GNG7: variants seen among roughly 807,000 people sequenced by gnomAD.
GNG7 encodes the protein guanine nucleotide-binding protein G(I)/G(S)/G(O) subunit gamma-7.
Under a neutral mutation model 4.0 loss-of-function variants are expected in GNG7, and 1 was observed. That is an observed-to-expected ratio of 0.25 (90% CI 0.09 to 1.18). The LOEUF is 1.18. GNG7 is among the 50% of genes most tolerant of loss of function. The probability of loss-of-function intolerance (pLI) is 0.50; values close to 1 mark genes in which losing one functional copy is unlikely to be tolerated. For missense variants in GNG7, 86 were observed against 91.9 expected (o/e 0.94, Z 0.26); for synonymous variants, 34 against 36.9 (o/e 0.92, Z 0.29).
At position 2,633,470 on chromosome 19, in the gene GNG7, G is replaced by GGTGC. The variant is rs1555698894; in HGVS notation, c.-78+12753_-78+12754insGCAC. Among the ~76,000 whole-genome samples the GGTGC allele has an allele frequency of 7.6e-5, 10 of 132,366 alleles. No individual in the cohort carries two copies. Among genetic ancestry groups the GGTGC allele is most frequent in the African/African-American group, 3.0e-4 (9 of 30,466 alleles). 86.8% of individuals were successfully genotyped at this position (132,366 alleles called of 152,430 possible). A position where few individuals can be genotyped will look rare whatever the true frequency, so the allele number is the denominator to read the frequency against. On this transcript the variant is annotated intron_variant, in intron 2 of 4. Coordinates refer to ENST00000382159, the MANE Select transcript of GNG7 (RefSeq NM_052847.3). The surrounding 1 kb of genome is among the most constrained non-coding windows in gnomAD (Gnocchi z 5.9). ...CTGTTCAAGCGGTTGCTTAGCAACA[G>GGTGC]GCGCGCGCGCGCGCGCGCACACACA...
In GNG7 at chr19:2,664,900, A is replaced by G. The variant is rs575154214; in HGVS notation, c.-134-18620T>C. Among the ~76,000 whole-genome samples the G allele has an allele frequency of 1.1e-4, 17 of 152,140 alleles. No individual in the cohort carries two copies. In the Middle Eastern group the frequency reaches 0.01, roughly 91 times the overall value. ...CATCCTCAAGTTGTGACAACGACAA[A>G]TGTCCTCAGACAACACCCAGTGTCC... On this transcript the variant is annotated intron_variant, in intron 1 of 4. Coordinates refer to ENST00000382159, the MANE Select transcript of GNG7 (RefSeq NM_052847.3).
At position 2,557,006 on chromosome 19, in the gene GNG7, C is replaced by T. The variant is rs1005391900; in HGVS notation, c.-77-1818G>A. Reference sequence around the variant, plus strand: ...CATCCAGGGGGGCTGCCTCCCCTCCCACCTCTACACACACACACGCACACA... The same window carrying T: ...CATCCAGGGGGGCTGCCTCCCCTCCTACCTCTACACACACACACGCACACA... On this transcript the variant is annotated intron_variant, in intron 2 of 4. Transcript: ENST00000382159. The surrounding 1 kb of genome is among the most constrained non-coding windows in gnomAD (Gnocchi z 5.1). Among the ~76,000 whole-genome samples, 2 of 137,600 alleles carry T rather than the reference C, an allele frequency of 1.5e-5. No individual in the cohort carries two copies. Among genetic ancestry groups the T allele is most frequent in the African/African-American group, 5.4e-5 (2 of 36,818 alleles). The allele number at this position is 137,600 out of a possible 152,430, so 90.3% of individuals were successfully genotyped here.
At chr19:2,603,553 A>C (rs970320943) in intron 2 of GNG7, among the ~76,000 whole-genome samples, 1 of 152,194 alleles carries the variant, frequency 6.6e-6, no homozygotes, top group Admixed American at 6.5e-5. Flanking sequence ...CAGAAATGCA[A>C]ATCAGGGCTG....
At chr19:2,567,469 G>T (rs932216755) in intron 2 of GNG7, among the ~76,000 whole-genome samples, 1 of 151,984 alleles carries the variant, frequency 6.6e-6, no homozygotes, top group Non-Finnish European at 1.5e-5. Context: ...GGGACTACAG[G>T]TGCACACTAC....
At chr19:2,575,511 A>T (rs1049541923) in intron 2 of GNG7, among the ~76,000 whole-genome samples, 37 of 150,628 alleles carry the variant, frequency 2.5e-4, no homozygotes, top group Admixed American at 8.6e-4. Context: ...ACACACAGAC[A>T]TGCAGACACA....
chr19:2,676,319 C>A (rs1037890670), intron 1 of GNG7, among the ~76,000 whole-genome samples: 1 of 152,166 alleles, frequency 6.6e-6, no homozygotes, highest in Admixed American at 6.5e-5. Context: ...CCCACAGAGA[C>A]CCTCCCCTAG....
At chr19:2,631,070 A>T (rs1982146543) in intron 2 of GNG7, among the ~76,000 whole-genome samples, 1 of 152,150 alleles carries the variant, frequency 6.6e-6, no homozygotes, top group African/African-American at 2.4e-5. Flanking sequence ...TCTCAACAGC[A>T]CTGTGTGGGG....
At chr19:2,530,628 A>G (rs1208520877) in intron 3 of GNG7, among the ~76,000 whole-genome samples, 2 of 150,612 alleles carry the variant, frequency 1.3e-5, no homozygotes, top group African/African-American at 2.4e-5. Context: ...GCTGAGGTAC[A>G]ACAATCACTT....
chr19:2,670,885 C>T (rs536161026), intron 1 of GNG7, among the ~76,000 whole-genome samples: 1 of 152,102 alleles, frequency 6.6e-6, no homozygotes, highest in Non-Finnish European at 1.5e-5. Flanking sequence ...AAAGAGACGG[C>T]GTCCCATGAT....
intron 3 of GNG7, among the ~76,000 whole-genome samples, chr19:2,548,768 G>GA (rs200362506): frequency 0.13 from 18,068 of 140,472 alleles, 10 homozygotes; most frequent in South Asian, 0.15. Flanking sequence ...CAGCCTGGGT[G>GA]CAGAGCGAGA....
At chr19:2,578,530 C>T (rs1980409208) in intron 2 of GNG7, among the ~76,000 whole-genome samples, 1 of 152,240 alleles carries the variant, frequency 6.6e-6, no homozygotes, top group Non-Finnish European at 1.5e-5. Context: ...AATTCACGAG[C>T]AACGCCCGCC....
At chr19:2,647,561 T>A (rs1354332465) in intron 1 of GNG7, among the ~76,000 whole-genome samples, 4 of 151,934 alleles carry the variant, frequency 2.6e-5, no homozygotes, top group African/African-American at 9.7e-5. Context: ...ACAAAAAAAA[T>A]TTAAAAATTA....
Position 2,692,157 on chromosome 19 carries a change from C to A in GNG7, c.-135+10489G>T, listed in dbSNP as rs374253296. On this transcript the variant is annotated intron_variant, in intron 1 of 4. Coordinates refer to ENST00000382159, the MANE Select transcript of GNG7 (RefSeq NM_052847.3). The stretch of plus-strand genomic sequence containing the variant: ...ATGACGGCGGCAGCCCCAGGCTCCT[C>A]CTACAACTGGGTACTGCCAAGGCCA... Among the ~76,000 whole-genome samples the A allele has an allele frequency of 2.2e-4, 33 of 152,340 alleles. No individual in the cohort carries two copies. The East Asian group carries it at 5.2e-3, about 24-fold the overall frequency.
At chr19:2,699,283 G>A (rs908730388) in intron 1 of GNG7, among the ~76,000 whole-genome samples, 7 of 151,896 alleles carry the variant, frequency 4.6e-5, no homozygotes, top group Non-Finnish European at 1.0e-4. Context: ...CAAGTAGCTG[G>A]GATTACAGGC....
chr19:2,538,271 G>A, intron 3 of GNG7: 2 of 456,568 alleles, frequency 4.4e-6, no homozygotes, highest in Non-Finnish European at 8.8e-6. Flanking sequence ...AGTCTGCTGA[G>A]AATGAAACCG....
At chr19:2,525,797 T>C (rs192964200) in intron 3 of GNG7, among the ~76,000 whole-genome samples, 304 of 152,118 alleles carry the variant, frequency 2.0e-3, no homozygotes, top group African/African-American at 7.1e-3. Flanking sequence ...AAAGTTAGAA[T>C]GAAAGCAAGT....
intron 2 of GNG7, among the ~76,000 whole-genome samples, chr19:2,559,512 C>T (rs144472025): frequency 3.8e-4 from 58 of 151,476 alleles, no homozygotes; most frequent in African/African-American, 1.2e-3. Flanking sequence ...CCACCATGTC[C>T]GGCTAATTTT....
chr19:2,554,287 A>G (rs1015453699), intron 3 of GNG7, among the ~76,000 whole-genome samples: 1 of 149,236 alleles, frequency 6.7e-6, no homozygotes, highest in African/African-American at 2.4e-5. Flanking sequence ...CCTGGGCTCA[A>G]GTGATCCTTC....
At chr19:2,675,076 A>C (rs745552720) in intron 1 of GNG7, among the ~76,000 whole-genome samples, 1 of 152,210 alleles carries the variant, frequency 6.6e-6, no homozygotes, top group Non-Finnish European at 1.5e-5. Flanking sequence ...GTTTTAACAC[A>C]TGGAAAACGC....
Sources: allele counts gnomAD v4.1 joint callset (sites outside exome capture counted in the v4.1 genomes callset), GRCh38; gene constraint gnomAD v4.1.1; non-coding constraint Gnocchi (gnomAD v3.1); transcripts MANE v1.5; gene names NCBI Gene and HGNC (gene_info 2026-07-23, HGNC 2026-07-21).